Variants in LARP1B observed in about 807,000 individuals in gnomAD.
LARP1B encodes the protein La ribonucleoprotein 1B, also known as la-related protein 1B.
LARP1B carries 76 observed loss-of-function variants against 114.2 expected under a neutral mutation model. That is an observed-to-expected ratio of 0.67 (90% CI 0.55 to 0.81). The LOEUF is 0.81. Among genes scored for constraint, LARP1B ranks in the 30% least tolerant of loss-of-function variants. LARP1B has a pLI of 0.00. For synonymous variants in LARP1B, 345 were observed against 348.0 expected, an observed-to-expected ratio of 0.99 and a Z score of 0.10; for missense variants, 1,014 against 1,075.8, an observed-to-expected ratio of 0.94 and a Z score of 0.80.
At chr4:128,097,459 T>C (rs1478952326) in intron 7 of LARP1B, among the ~76,000 whole-genome samples, 2 of 151,950 alleles carry the variant, frequency 1.3e-5, no homozygotes, top group African/African-American at 4.8e-5. Flanking sequence ...AGGCATGCGC[T>C]ACCACACCCG....
intron 5 of LARP1B, among the ~76,000 whole-genome samples, chr4:128,089,482 C>T (rs1775009144): frequency 6.6e-6 from 1 of 151,114 alleles, no homozygotes; most frequent in Non-Finnish European, 1.5e-5. Context: ...ATTACCGGCG[C>T]CCACCACTAT....
intron 7 of LARP1B, 67 bp downstream of exon 7, chr4:128,091,579 T>C: frequency 1.6e-6 from 2 of 1,287,614 alleles, no homozygotes; most frequent in Non-Finnish European, 1.1e-6. Context: ...TTTAATGTCA[T>C]TGATAATGAA....
chr4:128,071,714 G>A (rs988439161), intron 1 of LARP1B, among the ~76,000 whole-genome samples: 10 of 152,048 alleles, frequency 6.6e-5, no homozygotes, highest in South Asian at 6.2e-4. Flanking sequence ...GAGCCACCGC[G>A]CCTGGCCATT....
At chr4:128,076,730 T>G (rs916985903) in intron 3 of LARP1B, among the ~76,000 whole-genome samples, 19 of 152,046 alleles carry the variant, frequency 1.2e-4, no homozygotes, top group African/African-American at 2.2e-4. Context: ...ACTCTCTTTT[T>G]TGTGTGTGTG....
intron 9 of LARP1B, among the ~76,000 whole-genome samples, chr4:128,110,700 G>T (rs1318871517): frequency 9.7e-6 from 1 of 102,572 alleles, no homozygotes; most frequent in African/African-American, 3.4e-5. Flanking sequence ...AAAAGATGCA[G>T]CAGACCACAC....
intron 6 of LARP1B, 67 bp downstream of exon 6, chr4:128,091,211 T>C: frequency 1.3e-6 from 2 of 1,570,734 alleles, no homozygotes; most frequent in Non-Finnish European, 1.7e-6. Context: ...CTATCCTCTA[T>C]TATGTTTTAA....
downstream of LARP1B, among the ~76,000 whole-genome samples, chr4:128,212,658 AAAAC>A (rs1759145253): frequency 6.6e-6 from 1 of 152,100 alleles, no homozygotes; most frequent in Non-Finnish European, 1.5e-5. Context: ...CAAAAAAACA[AAAAC>A]AAAAACAAAA....
chr4:128,176,301 A>T lies in LARP1B; in HGVS notation c.1649-571A>T, dbSNP rs552541747. ...TGTGTGTGTGTATATATATATATATATTTTTTTTTTAGATGAAGTCTTGCT... is the reference window on the plus strand; with the variant it reads ...TGTGTGTGTGTATATATATATATATTTTTTTTTTTTAGATGAAGTCTTGCT... On this transcript the variant is annotated intron_variant, in intron 12 of 19. Coordinates refer to ENST00000326639, the MANE Select transcript of LARP1B (RefSeq NM_018078.4). Among the ~76,000 whole-genome samples, 611 of 103,910 alleles carry T rather than the reference A, an allele frequency of 5.9e-3. 6 individuals are homozygous for T. Among genetic ancestry groups the T allele is most frequent in the East Asian group, 0.011 (39 of 3,498 alleles). The allele number at this position is 103,910 out of a possible 152,430, so 68.2% of individuals were successfully genotyped here. A position where few individuals can be genotyped will look rare whatever the true frequency, so the allele number is the denominator to read the frequency against.
intron 15 of LARP1B, among the ~76,000 whole-genome samples, chr4:128,191,494 G>T (rs1239417692): frequency 6.6e-6 from 1 of 152,094 alleles, no homozygotes; most frequent in Non-Finnish European, 1.5e-5. Flanking sequence ...GGCGCCTTAA[G>T]CCCAAGTTTG....
rs780250305 is a variant in LARP1B, at chr4:128,091,461, A to C, written c.617A>C (p.Gln206Pro). 2.5e-6 allele frequency: 4 copies of C among 1,610,110 alleles called. No homozygotes were observed. The highest frequency in any genetic ancestry group is 2.7e-5 in the African/African-American group (2 of 74,980). ...MYYYDDGTGV[Q>P]VYPVEEALLK... ...TACTATGATGATGGTACAGGTGTAC[A>C]GGTGTATCCTGTGGAAGAAGCATTG... is the stretch of plus-strand genomic sequence containing the variant. Residue 206 changes from glutamine to proline, a missense_variant, in exon 7 of 20, where the codon CAG (glutamine) becomes CCG (proline). Coordinates refer to ENST00000326639, the MANE Select transcript of LARP1B (RefSeq NM_018078.4).
Position 128,178,657 on chromosome 4 carries a change from C to A in LARP1B, c.1896+15C>A, listed in dbSNP as rs150919640. The A allele has an allele frequency of 1.0e-3, 1,611 of 1,575,416 alleles. 16 individuals carry two copies. In the East Asian group the frequency reaches 0.031, roughly 30 times the overall value. On this transcript the variant is annotated intron_variant, in intron 14 of 19. Transcript: ENST00000326639. Reference sequence around the variant, plus strand: ...TTGATGTAAAGGTATACAAAACAACCAGGAATATAAGGCTTGCATTTTGTA... The same window carrying A: ...TTGATGTAAAGGTATACAAAACAACAAGGAATATAAGGCTTGCATTTTGTA...
rs866897523 is a variant in LARP1B at position 128,109,208 on chromosome 4, C to T, written c.988+1895C>T. The stretch of plus-strand genomic sequence containing the variant: ...TTTAAGTCAATGGAGAGTAGTATGT[C>T]ACCAAAAATTTGAAGTGGAAATAGA... On this transcript the variant is annotated intron_variant, in intron 9 of 19. Coordinates refer to ENST00000326639, the MANE Select transcript of LARP1B (RefSeq NM_018078.4). 3.3e-5 allele frequency among the ~76,000 whole-genome samples: 5 copies of T among 152,162 alleles called. No individual in the cohort carries two copies. The South Asian group carries it at 1.0e-3, about 32-fold the overall frequency.
chr4:128,199,455 C>A lies in LARP1B; in HGVS notation c.2020C>A (p.Pro674Thr). The A allele has an allele frequency of 6.5e-7, 1 of 1,541,768 alleles. No homozygotes were observed. Among genetic ancestry groups the A allele is most frequent in the South Asian group, 1.3e-5 (1 of 76,068 alleles). ...CTCAAACAGCACTTCAAATGCTTCA[C>A]CTTCAGAAGGCGCACCACTAGCAGG... ...TSSVSTSNAS[P>T]SEGAPLAGSY... Residue 674 changes from proline to threonine, a missense_variant, in exon 16 of 20, where the codon CCT becomes ACT. Transcript: ENST00000326639.
rs899104604 is a variant in LARP1B at position 128,211,616 on chromosome 4, T to C, written c.*1563T>C. 2 of 970,172 alleles carry C rather than the reference T, an allele frequency of 2.1e-6. No homozygotes were observed. The highest frequency in any genetic ancestry group is 2.3e-4 in the East Asian group (2 of 8,782). The allele number at this position is 970,172 out of a possible 1,614,324, so 60.1% of individuals were successfully genotyped here. On this transcript the variant is annotated 3_prime_UTR_variant, in exon 20 of 20. Transcript: ENST00000326639. ...ACAAGCAATGGGTTAGAATAATAGATCTTCAAGTCTTTTCTTAAATGGGGT... is the reference window on the plus strand; with the variant it reads ...ACAAGCAATGGGTTAGAATAATAGACCTTCAAGTCTTTTCTTAAATGGGGT...
chr4:128,122,912 A>G lies in LARP1B; in HGVS notation c.1524+724A>G, dbSNP rs190553412. ...TATAATGGTACAGATATGGGGATAA[A>G]AGGAATCTTTTTCTGCTATTAAGTT... On this transcript the variant is annotated intron_variant, in intron 11 of 19. Coordinates refer to ENST00000326639, the MANE Select transcript of LARP1B (RefSeq NM_018078.4). The G allele has an allele frequency of 2.1e-4, 208 of 990,080 alleles. 2 individuals are homozygous for G. In the African/African-American group the frequency reaches 3.5e-3, roughly 17 times the overall value. The allele number at this position is 990,080 out of a possible 1,614,324, so 61.3% of individuals were successfully genotyped here.
chr4:128,064,510 C>G (rs1761672878), intron 1 of LARP1B, among the ~76,000 whole-genome samples: 1 of 152,156 alleles, frequency 6.6e-6, no homozygotes, highest in Non-Finnish European at 1.5e-5. Flanking sequence ...TGTTTGTTTA[C>G]TCCTATTACT....
chr4:128,195,628 A>G (rs1431700788), intron 15 of LARP1B, among the ~76,000 whole-genome samples: 1 of 152,216 alleles, frequency 6.6e-6, no homozygotes, highest in African/African-American at 2.4e-5. Context: ...TTTGCAGTCA[A>G]TAAATAACTA....
chr4:128,161,587 G>A (rs1738534610), intron 11 of LARP1B, among the ~76,000 whole-genome samples: 1 of 151,534 alleles, frequency 6.6e-6, no homozygotes, highest in African/African-American at 2.4e-5. Context: ...CTTTGCCACT[G>A]GTTCTACACA....
chr4:128,180,218 C>T (rs1417262777), intron 15 of LARP1B, among the ~76,000 whole-genome samples: 3 of 152,102 alleles, frequency 2.0e-5, no homozygotes, highest in African/African-American at 2.4e-5. Flanking sequence ...TTGTAAAGTG[C>T]TGGGATTACA....
Sources: gnomAD v4.1 joint callset for allele counts (sites outside exome capture counted in the v4.1 genomes callset) on GRCh38, gnomAD v4.1.1 for gene constraint, MANE v1.5 for transcripts, NCBI Gene and HGNC (gene_info 2026-07-23, HGNC 2026-07-21) for gene names.